NAV3: variants seen among roughly 807,000 people sequenced by gnomAD.
NAV3 encodes neuron navigator 3.
NAV3 carries 87 observed loss-of-function variants against 244.7 expected under a neutral mutation model. The ratio of observed to expected loss-of-function variants is 0.36; its 90% confidence interval spans 0.30 to 0.42. The LOEUF is 0.42. NAV3 is among the 20% of genes least tolerant of loss of function. NAV3 has a pLI of 1.00. For synonymous variants in NAV3, 1,126 were observed against 1,042.2 expected (o/e 1.08, Z -1.55); for missense variants, 2,663 against 2,893.3 (o/e 0.92, Z 1.83).
At chr12:78,108,909 C>A (rs747837549) in intron 12 of NAV3, among the ~76,000 whole-genome samples, 1 of 151,720 alleles carries the variant, frequency 6.6e-6, no homozygotes, top group Non-Finnish European at 1.5e-5. Context: ...ACTAAAAAAT[C>A]AAGAACAAAT....
intron 2 of NAV3, among the ~76,000 whole-genome samples, chr12:77,662,090 T>C (rs1193972278): frequency 6.6e-6 from 1 of 152,072 alleles, no homozygotes; most frequent in Non-Finnish European, 1.5e-5. Flanking sequence ...TAATTTTTGC[T>C]GGGATTTTGA....
intron 2 of NAV3, among the ~76,000 whole-genome samples, chr12:77,691,147 T>C (rs1184050522): frequency 6.6e-6 from 1 of 150,694 alleles, no homozygotes; most frequent in Non-Finnish European, 1.5e-5. Flanking sequence ...TAAGATGGGA[T>C]GTTGTTTCAC....
chr12:77,766,082 T>G (rs758280732), intron 2 of NAV3, among the ~76,000 whole-genome samples: 15 of 152,300 alleles, frequency 9.8e-5, no homozygotes, highest in Non-Finnish European at 1.6e-4. Context: ...GTCAAATTTC[T>G]TGACGGAGAA....
chr12:77,994,765 ATC>A (rs777672491), intron 5 of NAV3, 36 bp from the exon 6 acceptor site: 1 of 1,521,344 alleles, frequency 6.6e-7, no homozygotes, highest in Admixed American at 1.9e-5. Flanking sequence ...TGTTCAAAGA[ATC>A]TCTTTAATTC....
chr12:77,976,573 C>A (rs1868405641), intron 5 of NAV3, among the ~76,000 whole-genome samples: 1 of 151,544 alleles, frequency 6.6e-6, no homozygotes. Flanking sequence ...CCTTTCTGAA[C>A]CATTCTAAAT....
At chr12:78,154,082 A>G (rs1030103446) in intron 22 of NAV3, among the ~76,000 whole-genome samples, 3 of 146,810 alleles carry the variant, frequency 2.0e-5, no homozygotes, top group Non-Finnish European at 4.5e-5. Flanking sequence ...TATACATGAT[A>G]TACTAAATAT....
intron 2 of NAV3, among the ~76,000 whole-genome samples, chr12:77,812,527 G>A (rs1348430879): frequency 1.3e-5 from 2 of 151,654 alleles, no homozygotes; most frequent in African/African-American, 4.8e-5. Flanking sequence ...CAATTCTCCT[G>A]TCTCAGCCTT....
intron 2 of NAV3, among the ~76,000 whole-genome samples, chr12:77,695,344 G>A (rs1161143208): frequency 6.6e-6 from 1 of 152,104 alleles, no homozygotes; most frequent in Non-Finnish European, 1.5e-5. Flanking sequence ...AGAGACAGTG[G>A]TCTAGTTTCA....
intron 2 of NAV3, among the ~76,000 whole-genome samples, chr12:77,681,945 C>T (rs1370195898): frequency 6.6e-6 from 1 of 152,162 alleles, no homozygotes; most frequent in Admixed American, 6.5e-5. Flanking sequence ...CATCGTCAAG[C>T]TATTTACACA....
chr12:77,970,355 T>G (rs1025603849), intron 5 of NAV3, among the ~76,000 whole-genome samples: 5 of 152,148 alleles, frequency 3.3e-5, no homozygotes, highest in Admixed American at 2.0e-4. Context: ...CACCTCCCAC[T>G]TACTGTCAGT....
At chr12:78,027,609 T>C (rs1878282737) in intron 9 of NAV3, among the ~76,000 whole-genome samples, 1 of 152,200 alleles carries the variant, frequency 6.6e-6, no homozygotes, top group East Asian at 1.9e-4. Flanking sequence ...CTGTGACAAA[T>C]TGCAGTCAAA....
chr12:77,829,846 G>C (rs757166280), upstream of NAV3, among the ~76,000 whole-genome samples: 1 of 152,046 alleles, frequency 6.6e-6, no homozygotes, highest in South Asian at 2.1e-4. Flanking sequence ...GGAAACAGTA[G>C]GCCAAAGATG....
Position 78,116,764 on chromosome 12 carries a change from G to A in NAV3, c.2637-8G>A, listed in dbSNP as rs2138513923. ...TTGATTCACTGCTCTTGCATGTCTT[G>A]CCTTTAGCTGGGATGACAGCAGTTC... On this transcript the variant is annotated splice_region_variant and splice_polypyrimidine_tract_variant and intron_variant, in intron 12 of 39. Coordinates refer to ENST00000397909, the MANE Select transcript of NAV3 (RefSeq NM_001024383.2). 1 of 1,579,480 alleles carries A rather than the reference G, an allele frequency of 6.3e-7. No homozygotes were observed. Among genetic ancestry groups the A allele is most frequent in the Non-Finnish European group, 8.6e-7 (1 of 1,158,026 alleles).
intron 2 of NAV3, among the ~76,000 whole-genome samples, chr12:77,798,189 G>GCAA (rs1007649681): frequency 5.4e-5 from 6 of 111,250 alleles, no homozygotes; most frequent in East Asian, 2.7e-4. Context: ...CAAACAAACA[G>GCAA]CAACAACAAC....
intron 3 of NAV3, among the ~76,000 whole-genome samples, chr12:77,953,611 C>T (rs1891098470): frequency 6.6e-6 from 1 of 152,184 alleles, no homozygotes; most frequent in South Asian, 2.1e-4. Flanking sequence ...TTACTGTCCC[C>T]TATTCCTCTC....
intron 2 of NAV3, among the ~76,000 whole-genome samples, chr12:77,703,262 T>C (rs1021086672): frequency 6.6e-6 from 1 of 152,108 alleles, no homozygotes; most frequent in African/African-American, 2.4e-5. Flanking sequence ...CACAATTTGA[T>C]GTAAATGGGA....
At chr12:77,933,459 T>A (rs1196815407) in intron 1 of NAV3, among the ~76,000 whole-genome samples, 1 of 152,192 alleles carries the variant, frequency 6.6e-6, no homozygotes, top group East Asian at 1.9e-4. Flanking sequence ...ACTTTATAAT[T>A]TACTTGCCTT....
At chr12:77,824,138 A>G (rs1051907366) in intron 2 of NAV3, among the ~76,000 whole-genome samples, 11 of 152,030 alleles carry the variant, frequency 7.2e-5, no homozygotes, top group African/African-American at 2.7e-4. Flanking sequence ...TAGTGGCACA[A>G]TCTTGGCTGA....
At position 78,199,474 on chromosome 12, in the gene NAV3, A is replaced by T. The variant is rs2140014361; in HGVS notation, c.6658A>T (p.Thr2220Ser). The T allele has an allele frequency of 6.2e-7, 1 of 1,609,408 alleles. No individual in the cohort carries two copies. ...LVKIIDWIPK[T>S]WHHLNSFLET... The stretch of plus-strand genomic sequence containing the variant: ...CAAAATTATAGATTGGATTCCGAAG[A>T]CGTGGCATCATCTCAACAGTTTTTT... The change falls in exon 37 of 40, where the codon ACG becomes TCG. Residue 2220 changes from threonine (T) to serine (S), a missense_variant. Thr to Ser is a moderately conservative substitution (Grantham distance 58). Coordinates refer to ENST00000397909, the MANE Select transcript of NAV3 (RefSeq NM_001024383.2).
Sources: allele counts gnomAD v4.1 joint callset (sites outside exome capture counted in the v4.1 genomes callset), GRCh38; gene constraint gnomAD v4.1.1; transcripts MANE v1.5; gene names NCBI Gene and HGNC (gene_info 2026-07-23, HGNC 2026-07-21).